RPS6KA2: variants seen among roughly 807,000 people sequenced by gnomAD.
RPS6KA2 encodes the protein ribosomal protein S6 kinase A2.
RPS6KA2 carries 42 observed loss-of-function variants against 91.8 expected under a neutral mutation model. The ratio of observed to expected loss-of-function variants is 0.46; its 90% CI spans 0.36 to 0.59. RPS6KA2 has a LOEUF of 0.59. Ranked by LOEUF, RPS6KA2 falls within the 20% of genes least tolerant of loss-of-function variation. RPS6KA2 has a pLI of 0.00. For synonymous variants in RPS6KA2, 414 were observed against 393.6 expected, an observed-to-expected ratio of 1.05 and a Z score of -0.61; for missense variants, 798 against 978.5, an observed-to-expected ratio of 0.82 and a Z score of 2.46.
intron 2 of RPS6KA2, among the ~76,000 whole-genome samples, chr6:166,644,223 G>A (rs1407464462): frequency 6.6e-6 from 1 of 151,972 alleles, no homozygotes; most frequent in African/African-American, 2.4e-5. Context: ...ACTATTTTTA[G>A]ATTTGCTAAG....
Position 166,533,026 on chromosome 6 carries a change from T to G in RPS6KA2, c.217-1713A>C, listed in dbSNP as rs1260445644. On this transcript the variant is annotated intron_variant, in intron 2 of 20. Transcript: ENST00000265678. The surrounding 1 kb of genome is among the most constrained non-coding windows in gnomAD (Gnocchi z 4.0). ...GACCCACTGTAGCCCTGGAAGTTAC[T>G]GCACATGGAAGGACTCTGCCTCAGG... Among the ~76,000 whole-genome samples the G allele has an allele frequency of 2.6e-5, 4 of 152,230 alleles. No homozygotes were observed. The highest frequency in any genetic ancestry group is 2.0e-4 in the Admixed American group (3 of 15,286).
rs769087421 is a variant in RPS6KA2 at position 166,508,238 on chromosome 6, G to A, written c.424C>T (p.Arg142Trp). 3 of 1,613,422 alleles carry A rather than the reference G, an allele frequency of 1.9e-6. No homozygotes were observed. The highest frequency in any genetic ancestry group is 1.1e-5 in the South Asian group (1 of 91,050). The change falls in exon 5 of 21, where the codon CGG (arginine) becomes TGG (tryptophan). Residue 142 changes from arginine (R) to tryptophan (W), a missense_variant. Coordinates refer to ENST00000265678, the MANE Select transcript of RPS6KA2 (RefSeq NM_021135.6). The surrounding 1 kb of genome is among the most constrained non-coding windows in gnomAD (Gnocchi z 4.3). ...AGCCGGGTGAAGAGGTCCCCTCCCC[G>A]CAGGAAGTCCAGGATCAGGTAGAGC... ...GKLYLILDFL[R>W]GGDLFTRLSK... is the part of the protein sequence containing the mutation.
chr6:166,500,952 C>A lies in RPS6KA2; in HGVS notation c.567-28G>T. On this transcript the variant is annotated intron_variant, in intron 6 of 20. Coordinates refer to ENST00000265678, the MANE Select transcript of RPS6KA2 (RefSeq NM_021135.6). The surrounding 1 kb of genome is among the most constrained non-coding windows in gnomAD (Gnocchi z 4.3). Reference sequence around the variant, plus strand: ...AAAAGAAAGGGAGAGAAAACAGATGCTTTAGAAAGAGACCCAGCCTGCCGA... The same window carrying A: ...AAAAGAAAGGGAGAGAAAACAGATGATTTAGAAAGAGACCCAGCCTGCCGA... The A allele has an allele frequency of 6.2e-7, 1 of 1,610,728 alleles. No homozygotes were observed. The highest frequency in any genetic ancestry group is 2.2e-5 in the East Asian group (1 of 44,850).
chr6:166,664,074 G>A (rs1477747679), intron 2 of RPS6KA2, among the ~76,000 whole-genome samples: 1 of 152,266 alleles, frequency 6.6e-6, no homozygotes, highest in African/African-American at 2.4e-5. Flanking sequence ...AAATTTGTTA[G>A]AAGCGTTAAT....
chr6:166,824,829 G>C (rs796147657), intron 2 of RPS6KA2, among the ~76,000 whole-genome samples: 35 of 151,508 alleles, frequency 2.3e-4, no homozygotes, highest in Admixed American at 5.9e-4. Flanking sequence ...GTGTGTCTGT[G>C]TGTGTGTGTA....
intron 11 of RPS6KA2, among the ~76,000 whole-genome samples, chr6:166,469,326 G>GTTTTT (rs60876703): frequency 0.043 from 5,929 of 137,674 alleles, 470 homozygotes; most frequent in African/African-American, 0.15. Flanking sequence ...CGGCACTGTT[G>GTTTTT]TTTTTTTTTT....
chr6:166,432,994 C>CAAAAAA (rs397728789), intron 14 of RPS6KA2, among the ~76,000 whole-genome samples: 12 of 82,762 alleles, frequency 1.4e-4, no homozygotes, highest in African/African-American at 5.0e-4. Flanking sequence ...GACTCTGTCT[C>CAAAAAA]AAAAAAAAAA....
intron 2 of RPS6KA2, among the ~76,000 whole-genome samples, chr6:166,725,123 GA>G (rs1790296268): frequency 1.3e-5 from 2 of 152,074 alleles, no homozygotes; most frequent in South Asian, 4.1e-4. Context: ...TATTCAAATA[GA>G]CTTTTTCTAT....
At chr6:166,454,951 A>C (rs1188681470) in intron 12 of RPS6KA2, among the ~76,000 whole-genome samples, 1 of 150,800 alleles carries the variant, frequency 6.6e-6, no homozygotes, top group East Asian at 1.9e-4. Flanking sequence ...ATGTAAATTT[A>C]TAATATATGA....
At chr6:166,521,111 G>C (rs963425728) in intron 3 of RPS6KA2, among the ~76,000 whole-genome samples, 6 of 152,256 alleles carry the variant, frequency 3.9e-5, no homozygotes, top group Admixed American at 3.3e-4. Flanking sequence ...TCTGGAGGGA[G>C]CAGGTGGCAA....
intron 2 of RPS6KA2, among the ~76,000 whole-genome samples, chr6:166,699,778 A>G (rs750843896): frequency 2.6e-5 from 4 of 152,154 alleles, no homozygotes; most frequent in African/African-American, 7.2e-5. Flanking sequence ...CTATCTTTTG[A>G]CTTTTTTTTC....
chr6:166,704,122 T>TC (rs748068675), intron 2 of RPS6KA2, among the ~76,000 whole-genome samples: 4 of 151,944 alleles, frequency 2.6e-5, no homozygotes, highest in Non-Finnish European at 5.9e-5. Flanking sequence ...AGAACAATTC[T>TC]CCCCTCCAAA....
At chr6:166,710,398 T>C (rs549869360) in intron 2 of RPS6KA2, among the ~76,000 whole-genome samples, 1 of 152,282 alleles carries the variant, frequency 6.6e-6, no homozygotes, top group East Asian at 1.9e-4. Flanking sequence ...TATATTTTTT[T>C]GTAAAATATG....
intron 2 of RPS6KA2, among the ~76,000 whole-genome samples, chr6:166,729,173 G>T (rs1790437687): frequency 6.6e-6 from 1 of 152,174 alleles, no homozygotes; most frequent in Non-Finnish European, 1.5e-5. Flanking sequence ...ACATCCATCG[G>T]CCAGACAACC....
At chr6:166,785,504 G>A (rs1428174716) in intron 2 of RPS6KA2, among the ~76,000 whole-genome samples, 2 of 152,246 alleles carry the variant, frequency 1.3e-5, no homozygotes, top group Non-Finnish European at 2.9e-5. Context: ...ACACCTGAAA[G>A]ATAGCGACTA....
chr6:166,826,821 A>G (rs574121731), intron 2 of RPS6KA2, among the ~76,000 whole-genome samples: 1 of 152,298 alleles, frequency 6.6e-6, no homozygotes, highest in Non-Finnish European at 1.5e-5. Flanking sequence ...TCTTCATGGG[A>G]AGATACAGGA....
intron 1 of RPS6KA2, among the ~76,000 whole-genome samples, chr6:166,550,220 A>G (rs915347808): frequency 3.3e-5 from 5 of 152,236 alleles, no homozygotes; most frequent in African/African-American, 1.2e-4. Flanking sequence ...AAGTTTCTAT[A>G]CAAGGACATT....
chr6:166,837,437 C>G (rs892994240), intron 2 of RPS6KA2, among the ~76,000 whole-genome samples: 1 of 152,220 alleles, frequency 6.6e-6, no homozygotes, highest in Non-Finnish European at 1.5e-5. Flanking sequence ...AGGGCCTTCC[C>G]CCTCCCACTG....
At chr6:166,689,261 C>T (rs967892774) in intron 2 of RPS6KA2, among the ~76,000 whole-genome samples, 2 of 152,348 alleles carry the variant, frequency 1.3e-5, no homozygotes, top group South Asian at 2.1e-4. Context: ...AAACAGAACT[C>T]GTGTCTGAAT....
Sources: gnomAD v4.1 joint callset for allele counts (sites outside exome capture counted in the v4.1 genomes callset) on GRCh38, gnomAD v4.1.1 for gene constraint, Gnocchi (gnomAD v3.1) non-coding constraint, MANE v1.5 for transcripts, NCBI Gene and HGNC (gene_info 2026-07-23, HGNC 2026-07-21) for gene names.